KEAP1: variants seen among roughly 807,000 people sequenced by gnomAD.
KEAP1 encodes kelch like ECH associated protein 1, also known as kelch-like ECH-associated protein 1.
A neutral mutation model predicts 59.7 loss-of-function variants in KEAP1; 26 were observed. That is an observed-to-expected ratio of 0.44 (90% CI 0.32 to 0.60). KEAP1 has a LOEUF of 0.60. Ranked by LOEUF, KEAP1 falls within the 20% of genes least tolerant of loss-of-function variation. KEAP1 has a pLI of 0.06. For synonymous variants in KEAP1, 350 were observed against 358.3 expected (o/e 0.98, Z 0.26); for missense variants, 539 against 871.4 (o/e 0.62, Z 4.80).
rs1250566803 is a variant in KEAP1 at position 10,489,251 on chromosome 19, A to G, written c.1649T>C (p.Met550Thr). ...CCCCAGGGCACTTCGCCGGTGCTTC[A>G]TGGGGGCTACGAAAGTCCACGTCTC... The part of the protein sequence containing the change: ...ETETWTFVAP[M>T]KHRRSALGIT... The change falls in exon 5 of 6, where the codon ATG becomes ACG. Residue 550 changes from methionine (M) to threonine (T), a missense_variant. Met to Thr is a moderately conservative substitution (Grantham distance 81, BLOSUM62 -1). Around this residue, in one of 4 missense-constraint regions of KEAP1, gnomAD observed 311 missense variants for 425.2 expected, o/e 0.73. Transcript: ENST00000171111. 2 of 1,612,982 alleles carry G rather than the reference A, an allele frequency of 1.2e-6. No individual in the cohort carries two copies. Among genetic ancestry groups the G allele is most frequent in the South Asian group, 1.1e-5 (1 of 91,010 alleles).
In KEAP1 at chr19:10,489,803, C is replaced by T. The variant is rs145311080; in HGVS notation, c.1376G>A (p.Arg459Gln). Residue 459 changes from arginine (R) to glutamine (Q), a missense_variant, in exon 4 of 6, where the codon CGA (arginine) becomes CAA (glutamine). Physicochemically the swap from Arg to Gln is conservative, Grantham distance 43. This residue lies in a region of KEAP1 where 311 missense variants were observed against 425.2 expected (regional missense o/e 0.73). Transcript: ENST00000171111. ...EWHLVAPMLTRRIGVGVAVLN... is the reference protein window; with the variant it reads ...EWHLVAPMLTQRIGVGVAVLN... ...GACAGCCACGCCCACCCCGATCCTTCGTGTCAGCATTGGGGCCACCAAGTG... is the reference window on the plus strand; with the variant it reads ...GACAGCCACGCCCACCCCGATCCTTTGTGTCAGCATTGGGGCCACCAAGTG... 5.6e-6 allele frequency: 9 copies of T among 1,613,980 alleles called. No homozygotes were observed. Among genetic ancestry groups the T allele is most frequent in the Admixed American group, 5.0e-5 (3 of 59,920 alleles).
rs917515117 is a variant in KEAP1 at position 10,491,801 on chromosome 19, G to A, written c.1101C>T (p.Gly367=). The change falls in exon 3 of 6, where the codon GGC becomes GGT. Residue 367 remains glycine (G), a synonymous_variant. Coordinates refer to ENST00000171111, the MANE Select transcript of KEAP1 (RefSeq NM_203500.2). The surrounding 1 kb of genome is among the most constrained non-coding windows in gnomAD (Gnocchi z 5.2). The part of the protein sequence containing the change: ...DLQVPRSGLA[G]CVVGGLLYAV... Reference sequence around the variant, plus strand: ...CGTACAACAGCCCGCCCACCACGCAGCCGGCCAGGCCGCTCCGCGGCACCT... The same window carrying A: ...CGTACAACAGCCCGCCCACCACGCAACCGGCCAGGCCGCTCCGCGGCACCT... 9 of 1,592,750 alleles carry A rather than the reference G, an allele frequency of 5.7e-6. No homozygotes were observed. In the African/African-American group the frequency reaches 1.2e-4, roughly 21 times the overall value.
At chr19:10,488,320 C>T (rs1914540377) in intron 5 of KEAP1, among the ~76,000 whole-genome samples, 1 of 151,342 alleles carries the variant, frequency 6.6e-6, no homozygotes, top group Non-Finnish European at 1.5e-5. Context: ...TAAAAATAAA[C>T]AAAAACATTA....
chr19:10,487,012 C>A (rs528336656), intron 5 of KEAP1, among the ~76,000 whole-genome samples, 194 bp from the exon 6 acceptor site: 23 of 113,694 alleles, frequency 2.0e-4, no homozygotes, highest in Non-Finnish European at 3.6e-4. Context: ...GCCTGGGCAA[C>A]ATAGCAAAAC....
chr19:10,497,604 G>A (rs924493916), intron 2 of KEAP1, among the ~76,000 whole-genome samples: 1 of 152,200 alleles, frequency 6.6e-6, no homozygotes, highest in Non-Finnish European at 1.5e-5. Context: ...TTGGCCTGGT[G>A]TTGGTATGGT....
intron 2 of KEAP1, among the ~76,000 whole-genome samples, chr19:10,498,324 C>A (rs1296052865): frequency 6.6e-6 from 1 of 151,576 alleles, no homozygotes; most frequent in African/African-American, 2.4e-5. Flanking sequence ...CTCAGCCTCT[C>A]GAGTAGCAGG....
At chr19:10,495,596 G>T (rs1481646687) in intron 2 of KEAP1, among the ~76,000 whole-genome samples, 1 of 152,030 alleles carries the variant, frequency 6.6e-6, no homozygotes, top group Non-Finnish European at 1.5e-5. Flanking sequence ...TACTGAGGAG[G>T]CTGAGGCAGG....
At chr19:10,497,100 G>A (rs1416095569) in intron 2 of KEAP1, among the ~76,000 whole-genome samples, 1 of 151,582 alleles carries the variant, frequency 6.6e-6, no homozygotes, top group East Asian at 1.9e-4. Flanking sequence ...TGCCAGCCTG[G>A]GTGACAGAGT....
At position 10,491,458 on chromosome 19, in the gene KEAP1, C is replaced by T; in HGVS notation, c.1325+119G>A. The T allele has an allele frequency of 1.2e-6, 1 of 803,320 alleles. No homozygotes were observed. Among genetic ancestry groups the T allele is most frequent in the South Asian group, 2.6e-5 (1 of 38,264 alleles). 49.8% of individuals were successfully genotyped at this position (803,320 alleles called of 1,614,324 possible). On this transcript the variant is annotated intron_variant, in intron 3 of 5. Coordinates refer to ENST00000171111, the MANE Select transcript of KEAP1 (RefSeq NM_203500.2). The surrounding 1 kb of genome is among the most constrained non-coding windows in gnomAD (Gnocchi z 5.2). ...CAAGGAGCTTAGCTTCATCCTGAGG[C>T]CTCCACTCCCTGAAGACAGGAAGAG...
chr19:10,491,842 G>C lies in KEAP1; in HGVS notation c.1060C>G (p.Arg354Gly), dbSNP rs2144599793. 3 of 1,609,222 alleles carry C rather than the reference G, an allele frequency of 1.9e-6. No homozygotes were observed. The highest frequency in any genetic ancestry group is 2.2e-5 in the South Asian group (2 of 90,564). ...CGCGGCACCTGCAGGTCCGCCAACC[G>C]GAGCCAGGTGCCGTCACTGGGGTTG... Reference protein sequence around the residue: ...AYNPSDGTWLRLADLQVPRSG... With the variant: ...AYNPSDGTWLGLADLQVPRSG... Residue 354 changes from arginine (R) to glycine (G), a missense_variant, in exon 3 of 6, where the codon CGG becomes GGG. Physicochemically the swap from Arg to Gly is moderately radical, Grantham distance 125. Coordinates refer to ENST00000171111, the MANE Select transcript of KEAP1 (RefSeq NM_203500.2). This position sits in a 1 kb window ranked among gnomAD's most constrained non-coding sequence, Gnocchi z 5.2.
At chr19:10,497,841 C>A (rs1239263757) in intron 2 of KEAP1, among the ~76,000 whole-genome samples, 1 of 152,210 alleles carries the variant, frequency 6.6e-6, no homozygotes, top group African/African-American at 2.4e-5. Flanking sequence ...CTACAGTGAG[C>A]TATGATGGCA....
chr19:10,486,486 G>T lies in KEAP1; in HGVS notation c.*166C>A. 2 of 731,072 alleles carry T rather than the reference G, an allele frequency of 2.7e-6. No homozygotes were observed. The highest frequency in any genetic ancestry group is 4.6e-6 in the Non-Finnish European group (2 of 433,118). 45.3% of individuals were successfully genotyped at this position (731,072 alleles called of 1,614,324 possible). A position where few individuals can be genotyped will look rare whatever the true frequency, so the allele number is the denominator to read the frequency against. ...CTCCGCTGAGGGGCACATGATTCCC[G>T]CTTTGGACTTCTTTTGAGATGTCAT... On this transcript the variant is annotated 3_prime_UTR_variant, in exon 6 of 6. Transcript: ENST00000171111.
chr19:10,489,944 T>C (rs1043107053), intron 3 of KEAP1, 91 bp from the exon 4 acceptor site: 13 of 1,283,334 alleles, frequency 1.0e-5, no homozygotes, highest in Admixed American at 4.6e-5. Context: ...TTTTCCTTTT[T>C]TTTTTCCCCC....
At chr19:10,500,354 C>G (rs2144632987) in intron 1 of KEAP1, among the ~76,000 whole-genome samples, 1 of 152,320 alleles carries the variant, frequency 6.6e-6, no homozygotes. Context: ...CCTCAACAGC[C>G]TGCAAAGCCC....
chr19:10,492,339 C>T (rs969229824), intron 2 of KEAP1, 77 bp from the exon 3 acceptor site: 1 of 1,053,898 alleles, frequency 9.5e-7, no homozygotes, highest in Non-Finnish European at 1.4e-6. Context: ...GGACAAGTAA[C>T]TTATCACTGC....
chr19:10,487,174 T>C (rs1914493027), intron 5 of KEAP1, among the ~76,000 whole-genome samples: 1 of 151,272 alleles, frequency 6.6e-6, no homozygotes, highest in Non-Finnish European at 1.5e-5. Context: ...TGAAGCCCCA[T>C]CTCTACAAAA....
In KEAP1 at chr19:10,489,896, T is replaced by C. The variant is rs202079637; in HGVS notation, c.1326-43A>G. 1,304 of 1,561,480 alleles carry C rather than the reference T, an allele frequency of 8.4e-4. 3 individuals are homozygous for C. The highest frequency in any genetic ancestry group is 3.3e-3 in the Admixed American group (183 of 55,630). ...AAATGGGGACAATGGCCATTATAGCTGACCTTCGTGGAATACTTAAGGGCC... is the reference window on the plus strand; with the variant it reads ...AAATGGGGACAATGGCCATTATAGCCGACCTTCGTGGAATACTTAAGGGCC... On this transcript the variant is annotated intron_variant, in intron 3 of 5. Transcript: ENST00000171111.
rs771736059 is a variant in KEAP1, at chr19:10,489,199, G to A, written c.1701C>T (p.Tyr567=). ...LGITVHQGRI[Y]VLGGYDGHTF... ...CCGCCCCCAGGGCCTCACCAAGGAC[G>A]TAGATTCTCCCCTGGTGGACAGTGA... The change falls in exon 5 of 6, where the codon TAC becomes TAT. Residue 567 remains tyrosine, a synonymous_variant. Transcript: ENST00000171111. 16 of 1,611,274 alleles carry A rather than the reference G, an allele frequency of 9.9e-6. No homozygotes were observed. The East Asian group carries it at 1.6e-4, about 16-fold the overall frequency.
At chr19:10,487,729 C>T (rs926858964) in intron 5 of KEAP1, among the ~76,000 whole-genome samples, 1 of 152,148 alleles carries the variant, frequency 6.6e-6, no homozygotes, top group Non-Finnish European at 1.5e-5. Flanking sequence ...GGCACAGTGG[C>T]TCATGCCTGT....
Sources: allele counts gnomAD v4.1 joint callset (sites outside exome capture counted in the v4.1 genomes callset), GRCh38; gene constraint gnomAD v4.1.1; regional missense constraint gnomAD v4.1.1; non-coding constraint Gnocchi (gnomAD v3.1); transcripts MANE v1.5; gene names NCBI Gene and HGNC (gene_info 2026-07-23, HGNC 2026-07-21).